SVIL: variants seen among roughly 807,000 people sequenced by gnomAD.
The protein encoded by SVIL is archvillin.
In SVIL, 101 loss-of-function variants were observed where a neutral mutation model predicts 240.4. The observed-to-expected ratio is 0.42, with a 90% CI of 0.36 to 0.50. The LOEUF (loss-of-function observed/expected upper bound fraction) is 0.50, where lower values mean the gene tolerates loss of function less well. SVIL is among the 20% of genes least tolerant of loss of function. SVIL has a pLI of 0.01. For synonymous variants in SVIL, 999 were observed against 1,100.0 expected (o/e 0.91, Z 1.82); for missense variants, 2,512 against 2,818.7 (o/e 0.89, Z 2.46).
intron 1 of SVIL, among the ~76,000 whole-genome samples, chr10:29,734,590 T>C (rs1483208922): frequency 6.6e-6 from 1 of 152,062 alleles, no homozygotes; most frequent in East Asian, 1.9e-4. Flanking sequence ...CCTGGTCCAT[T>C]AGCCCTTCAT....
chr10:29,463,134 G>A (rs1269911960), intron 35 of SVIL, among the ~76,000 whole-genome samples: 4 of 152,216 alleles, frequency 2.6e-5, no homozygotes, highest in Non-Finnish European at 4.4e-5. Context: ...TGCAGATAAT[G>A]TACAGGGCAG....
At chr10:29,616,507 T>A (rs1309638117) in intron 1 of SVIL, among the ~76,000 whole-genome samples, 2 of 152,278 alleles carry the variant, frequency 1.3e-5, no homozygotes, top group South Asian at 4.1e-4. Flanking sequence ...TAATCTGATA[T>A]TAGGATTTAT....
At chr10:29,707,718 T>C (rs1962989282) in intron 1 of SVIL, among the ~76,000 whole-genome samples, 1 of 152,238 alleles carries the variant, frequency 6.6e-6, no homozygotes. Context: ...ATGTGGTATG[T>C]TTACAAATAA....
intron 12 of SVIL, 126 bp downstream of exon 12, chr10:29,529,579 C>T (rs1951205607): frequency 8.6e-7 from 1 of 1,169,076 alleles, no homozygotes; most frequent in Admixed American, 3.5e-5. Flanking sequence ...TCCCTTAGTA[C>T]TAACTTCTCT....
chr10:29,520,066 G>C (rs1006569895), intron 16 of SVIL, among the ~76,000 whole-genome samples: 5 of 152,220 alleles, frequency 3.3e-5, no homozygotes, highest in Non-Finnish European at 5.9e-5. Flanking sequence ...AAACAGGTAA[G>C]TAAATCAGGA....
intron 31 of SVIL, 36 bp downstream of exon 31, chr10:29,471,102 A>C (rs961130484): frequency 1.3e-6 from 2 of 1,576,384 alleles, no homozygotes; most frequent in African/African-American, 1.4e-5. Context: ...AGAGAGGGAA[A>C]GGCAAAGTCG....
At chr10:29,670,543 C>G (rs145328485) in intron 2 of SVIL, among the ~76,000 whole-genome samples, 1 of 152,342 alleles carries the variant, frequency 6.6e-6, no homozygotes, top group African/African-American at 2.4e-5. Context: ...AATTGGTCTA[C>G]ATGTTAAAGT....
At chr10:29,571,049 G>T (rs1180577289) in intron 1 of SVIL, among the ~76,000 whole-genome samples, 3 of 152,186 alleles carry the variant, frequency 2.0e-5, no homozygotes, top group Non-Finnish European at 4.4e-5. Flanking sequence ...AGACGGCTCG[G>T]TCACACAGCC....
At chr10:29,510,047 C>CCCACACTGGGACT (rs2132480200) in intron 17 of SVIL, among the ~76,000 whole-genome samples, 1 of 152,290 alleles carries the variant, frequency 6.6e-6, no homozygotes, top group South Asian at 2.1e-4. Context: ...GGATCACAGT[C>CCCACACTGGGACT]GTGCGCTACC....
At chr10:29,636,900 G>C (rs759279009), upstream of SVIL, among the ~76,000 whole-genome samples, 157 of 152,186 alleles carry the variant, frequency 1.0e-3, no homozygotes, top group South Asian at 0.012. Context: ...ACCTCCCCAG[G>C]AGGCAGTCCT....
At chr10:29,632,503 A>T (rs1958139378) in intron 1 of SVIL, among the ~76,000 whole-genome samples, 1 of 151,906 alleles carries the variant, frequency 6.6e-6, no homozygotes, top group Non-Finnish European at 1.5e-5. Context: ...AAAAAAAAAA[A>T]AGAAAAAAGA....
At chr10:29,666,604 G>T (rs1959317713) in intron 2 of SVIL, among the ~76,000 whole-genome samples, 1 of 152,150 alleles carries the variant, frequency 6.6e-6, no homozygotes, top group Admixed American at 6.5e-5. Flanking sequence ...GTTTTACTTA[G>T]TTTACTACAC....
chr10:29,725,074 A>G (rs1255971187), intron 1 of SVIL, among the ~76,000 whole-genome samples: 2 of 150,498 alleles, frequency 1.3e-5, no homozygotes, highest in Non-Finnish European at 3.0e-5. Flanking sequence ...TCACCTCTAA[A>G]TTTCTAAATT....
intron 3 of SVIL, among the ~76,000 whole-genome samples, chr10:29,655,874 G>GT (rs3030622): frequency 0.016 from 2,204 of 136,194 alleles, 42 homozygotes; most frequent in African/African-American, 0.038. Flanking sequence ...GTATGTGTGG[G>GT]TTTTTTTTTT....
At chr10:29,720,661 A>C (rs1827371405) in intron 1 of SVIL, among the ~76,000 whole-genome samples, 1 of 152,262 alleles carries the variant, frequency 6.6e-6, no homozygotes, top group Admixed American at 6.5e-5. Context: ...AAGCTTTTAA[A>C]AGAGAAGTGA....
upstream of SVIL, among the ~76,000 whole-genome samples, chr10:29,637,349 T>G (rs1958345663): frequency 6.6e-6 from 1 of 152,042 alleles, no homozygotes. Flanking sequence ...TAGCCAGGCG[T>G]GGTGGTGCAC....
chr10:29,573,170 T>C (rs768439852), intron 1 of SVIL, among the ~76,000 whole-genome samples: 10 of 152,158 alleles, frequency 6.6e-5, no homozygotes, highest in Non-Finnish European at 1.3e-4. Context: ...GTACTGAGCA[T>C]AGTACCCAAT....
In SVIL at chr10:29,522,336, C is replaced by T. The variant is rs531271609; in HGVS notation, c.3389+74G>A. ...ATGATTTCATCTCTTTGCCCATCAC[C>T]GAGATTGTTTTCTAAAAGCAAGCTG... On this transcript the variant is annotated intron_variant, in intron 16 of 37. Transcript: ENST00000355867. 1.6e-4 allele frequency: 221 copies of T among 1,401,900 alleles called. No homozygotes were observed. The East Asian group carries it at 4.3e-3, about 27-fold the overall frequency. 86.8% of individuals were successfully genotyped at this position (1,401,900 alleles called of 1,614,324 possible).
intron 29 of SVIL, among the ~76,000 whole-genome samples, chr10:29,477,686 T>TC (rs1289207815): frequency 1.3e-5 from 2 of 152,184 alleles, no homozygotes; most frequent in Non-Finnish European, 2.9e-5. Context: ...GGGCTGTGCT[T>TC]CCCCCCTGCT....
Sources: allele counts gnomAD v4.1 joint callset (sites outside exome capture counted in the v4.1 genomes callset), GRCh38; gene constraint gnomAD v4.1.1; transcripts MANE v1.5; gene names NCBI Gene and HGNC (gene_info 2026-07-23, HGNC 2026-07-21).